Variants in SLC25A26 observed in about 807,000 individuals in gnomAD.
SLC25A26 encodes the protein solute carrier family 25 member 26.
SLC25A26 carries 36 observed loss-of-function variants against 37.8 expected under a neutral mutation model. The observed-to-expected ratio is 0.95, with a 90% CI of 0.73 to 1.26. The LOEUF (loss-of-function observed/expected upper bound fraction) is 1.26, where lower values mean the gene tolerates loss of function less well. Among genes scored for constraint, SLC25A26 ranks in the 50% most tolerant of loss-of-function variants. SLC25A26 has a pLI of 0.00. For synonymous variants in SLC25A26, 129 were observed against 122.5 expected (o/e 1.05, Z -0.35); for missense variants, 390 against 331.1 (o/e 1.18, Z -1.38).
chr3:66,223,261 G>C (rs1349828712), intron 1 of SLC25A26, among the ~76,000 whole-genome samples: 1 of 152,196 alleles, frequency 6.6e-6, no homozygotes, highest in Non-Finnish European at 1.5e-5. Flanking sequence ...ATAGGAAGGG[G>C]CTTGAATTTT....
In SLC25A26 at chr3:66,158,651, C is replaced by T. The variant is rs186166004; in HGVS notation, c.-354+24667C>T. On this transcript the variant is annotated intron_variant, in intron 1 of 10. Transcript: ENST00000676754. ...TTTTTGGTTATGGGCTGGTTATTCACGCAGGCATTGAGTTCATAGATTGTT... is the reference window on the plus strand; with the variant it reads ...TTTTTGGTTATGGGCTGGTTATTCATGCAGGCATTGAGTTCATAGATTGTT... 5.3e-5 allele frequency among the ~76,000 whole-genome samples: 8 copies of T among 152,176 alleles called. No homozygotes were observed. The East Asian group carries it at 5.8e-4, about 11-fold the overall frequency.
intron 5 of SLC25A26, chr3:66,293,190 A>G (rs531219453): frequency 2.6e-5 from 4 of 152,170 alleles, no homozygotes; most frequent in South Asian, 2.1e-4. Flanking sequence ...TATTGTTCCA[A>G]TTTTAGTGTA....
At chr3:66,307,132 A>T (rs1014958557) in intron 5 of SLC25A26, among the ~76,000 whole-genome samples, 1 of 152,096 alleles carries the variant, frequency 6.6e-6, no homozygotes, top group Admixed American at 6.6e-5. Flanking sequence ...AACAGTGTGA[A>T]GGTGTCTGTT....
intron 1 of SLC25A26, among the ~76,000 whole-genome samples, chr3:66,204,445 A>AAAC (rs2071151236): frequency 6.7e-6 from 1 of 150,106 alleles, no homozygotes; most frequent in African/African-American, 2.4e-5. Flanking sequence ...AAAAAGAAAA[A>AAAC]AAGAAAAAAG....
intron 5 of SLC25A26, among the ~76,000 whole-genome samples, chr3:66,307,559 T>A (rs2075261984): frequency 6.6e-6 from 1 of 152,254 alleles, no homozygotes; most frequent in Non-Finnish European, 1.5e-5. Flanking sequence ...TTTGGTGTTT[T>A]AATCATGAAG....
intron 5 of SLC25A26, among the ~76,000 whole-genome samples, chr3:66,327,961 A>T (rs538687913): frequency 6.0e-4 from 91 of 151,974 alleles, no homozygotes; most frequent in Non-Finnish European, 4.3e-4. Flanking sequence ...GAAAATTTGT[A>T]ACCATCATGA....
rs1348650116 is a variant in SLC25A26 at position 66,273,805 on chromosome 3, G to A, written c.453+10426G>A. Among the ~76,000 whole-genome samples the A allele has an allele frequency of 4.6e-5, 7 of 152,164 alleles. No individual in the cohort carries two copies. In the East Asian group the frequency reaches 7.7e-4, roughly 17 times the overall value. On this transcript the variant is annotated intron_variant, in intron 5 of 9. Coordinates refer to ENST00000354883, the MANE Select transcript of SLC25A26 (RefSeq NM_001379210.1). Reference sequence around the variant, plus strand: ...CTCATGGATAGGAAGAATCAATATCGTGAAAATGGCCATACTGCCCAAGGT... The same window carrying A: ...CTCATGGATAGGAAGAATCAATATCATGAAAATGGCCATACTGCCCAAGGT...
chr3:66,255,255 C>G (rs942895296), intron 3 of SLC25A26, among the ~76,000 whole-genome samples: 7 of 152,112 alleles, frequency 4.6e-5, no homozygotes, highest in Admixed American at 3.9e-4. Context: ...GCAGGGGCAG[C>G]ATGCATGTGC....
intron 6 of SLC25A26, among the ~76,000 whole-genome samples, chr3:66,360,787 C>A (rs1458668672): frequency 6.6e-6 from 1 of 152,170 alleles, no homozygotes; most frequent in Admixed American, 6.5e-5. Context: ...GGATGCCATG[C>A]CTGTGAGAAG....
At chr3:66,185,537 C>T (rs989043013) in intron 1 of SLC25A26, among the ~76,000 whole-genome samples, 124,514 of 152,110 alleles carry the variant, frequency 0.82, 51,037 homozygotes, top group South Asian at 0.92. Flanking sequence ...TTTTCCATAG[C>T]GGCTGTGACC....
chr3:66,144,451 C>A (rs2070084754), intron 1 of SLC25A26, among the ~76,000 whole-genome samples: 1 of 152,202 alleles, frequency 6.6e-6, no homozygotes, highest in Admixed American at 6.5e-5. Flanking sequence ...CCAAGCACTT[C>A]TCAGTTAGGG....
In SLC25A26 at chr3:66,136,994, T is replaced by A. The variant is rs548031963; in HGVS notation, c.-354+3010T>A. Among the ~76,000 whole-genome samples, 8 of 152,246 alleles carry A rather than the reference T, an allele frequency of 5.3e-5. No individual in the cohort carries two copies. The South Asian group carries it at 1.7e-3, about 32-fold the overall frequency. ...ATGGTTATCTCTTATTTATTGAAAA[T>A]AATTCTGATTTGCATTTATGATAAT... On this transcript the variant is annotated intron_variant, in intron 1 of 10. Transcript: ENST00000676754.
At chr3:66,292,794 T>C (rs1308277360) in intron 5 of SLC25A26, among the ~76,000 whole-genome samples, 1 of 152,162 alleles carries the variant, frequency 6.6e-6, no homozygotes, top group Non-Finnish European at 1.5e-5. Context: ...AGTATCTTAG[T>C]GGTGTTCTCT....
chr3:66,317,912 G>A (rs2075584880), intron 5 of SLC25A26, among the ~76,000 whole-genome samples: 1 of 152,210 alleles, frequency 6.6e-6, no homozygotes, highest in Non-Finnish European at 1.5e-5. Flanking sequence ...CCGCTGTACT[G>A]TGATGTGGGG....
intron 5 of SLC25A26, among the ~76,000 whole-genome samples, chr3:66,322,205 A>G (rs188005029): frequency 2.2e-4 from 33 of 152,354 alleles, no homozygotes; most frequent in African/African-American, 7.5e-4. Context: ...AGGATACAGC[A>G]AAGTGTCTTT....
chr3:66,237,580 C>G (rs548570040), intron 2 of SLC25A26, among the ~76,000 whole-genome samples: 2 of 152,314 alleles, frequency 1.3e-5, no homozygotes, highest in African/African-American at 4.8e-5. Flanking sequence ...GGATACTGTC[C>G]TTCCAATGTC....
At chr3:66,362,104 T>A (rs1404797862) in intron 6 of SLC25A26, among the ~76,000 whole-genome samples, 1 of 152,210 alleles carries the variant, frequency 6.6e-6, no homozygotes, top group East Asian at 1.9e-4. Context: ...TGTAAAATGG[T>A]ACAATCGCTT....
intron 5 of SLC25A26, among the ~76,000 whole-genome samples, chr3:66,265,285 T>A (rs543250203): frequency 1.6e-4 from 24 of 152,114 alleles, no homozygotes; most frequent in East Asian, 7.7e-4. Flanking sequence ...CCAGCCTGGG[T>A]GACAGAGAGA....
intron 6 of SLC25A26, among the ~76,000 whole-genome samples, chr3:66,347,425 T>TA (rs2076352130): frequency 6.6e-6 from 1 of 152,132 alleles, no homozygotes; most frequent in African/African-American, 2.4e-5. Context: ...CACAATGAGA[T>TA]ACCGTCTCAC....
Sources: allele counts gnomAD v4.1 joint callset (sites outside exome capture counted in the v4.1 genomes callset), GRCh38; gene constraint gnomAD v4.1.1; transcripts MANE v1.5; gene names NCBI Gene and HGNC (gene_info 2026-07-23, HGNC 2026-07-21).